The following SHISA9 variants were observed in gnomAD, a reference collection of about 807,000 sequenced individuals.
SHISA9 encodes protein shisa-9.
A neutral mutation model predicts 38.0 loss-of-function variants in SHISA9; 13 were observed. That is an observed-to-expected ratio of 0.34 (90% CI 0.22 to 0.54). The LOEUF (loss-of-function observed/expected upper bound fraction) is 0.54, where lower values mean the gene tolerates loss of function less well. Among genes scored for constraint, SHISA9 ranks in the 20% least tolerant of loss-of-function variants. The pLI is 0.91. For synonymous variants in SHISA9, 275 were observed against 242.0 expected (o/e 1.14, Z -1.27); for missense variants, 538 against 575.8 (o/e 0.93, Z 0.67).
intron 2 of SHISA9, among the ~76,000 whole-genome samples, chr16:13,161,097 G>A (rs922951344): frequency 1.3e-5 from 2 of 152,302 alleles, no homozygotes; most frequent in South Asian, 2.1e-4. Context: ...CAGTGGAGCC[G>A]TGGAAATTCT....
At chr16:13,244,561 A>T (rs75443696), downstream of SHISA9, among the ~76,000 whole-genome samples, 1,340 of 152,336 alleles carry the variant, frequency 8.8e-3, 10 homozygotes, top group Non-Finnish European at 0.01. Flanking sequence ...GTATACATAC[A>T]TACATAAAAT....
At chr16:13,514,029 C>G in the SHISA9 span, among the ~76,000 whole-genome samples, 1 of 152,134 alleles carries the variant, frequency 6.6e-6, no homozygotes. Context: ...AAGTCATGCT[C>G]TGTCACGCAG....
the SHISA9 span, among the ~76,000 whole-genome samples, chr16:13,537,072 C>A: frequency 6.6e-6 from 1 of 152,006 alleles, no homozygotes; most frequent in Non-Finnish European, 1.5e-5. Flanking sequence ...AGGTAATGAC[C>A]TAAAATCCTG....
chr16:12,985,981 A>C (rs2072302960), intron 2 of SHISA9, among the ~76,000 whole-genome samples: 2 of 151,918 alleles, frequency 1.3e-5, no homozygotes, highest in Non-Finnish European at 2.9e-5. Flanking sequence ...GCCGACTTAC[A>C]CTCCAGAGCA....
intron 2 of SHISA9, among the ~76,000 whole-genome samples, chr16:13,160,998 G>A (rs153090): frequency 0.26 from 38,796 of 152,092 alleles, 5,126 homozygotes; most frequent in East Asian, 0.42. Context: ...CCCATGGCAG[G>A]AGAAGTTAGG....
the SHISA9 span, among the ~76,000 whole-genome samples, chr16:13,456,510 G>A: frequency 5.3e-5 from 8 of 152,166 alleles, no homozygotes; most frequent in Admixed American, 4.6e-4. Context: ...ATGCCACTGC[G>A]TCATGAAGAA....
intron 2 of SHISA9, among the ~76,000 whole-genome samples, chr16:13,071,156 T>TA (rs1036480616): frequency 6.6e-6 from 1 of 152,172 alleles, no homozygotes; most frequent in African/African-American, 2.4e-5. Context: ...ACCGTGCCCT[T>TA]AAAAATCGTC....
At chr16:13,376,118 C>A in the SHISA9 span, among the ~76,000 whole-genome samples, 1 of 152,162 alleles carries the variant, frequency 6.6e-6, no homozygotes, top group Non-Finnish European at 1.5e-5. Context: ...AAATGAAATA[C>A]CACACAATGA....
intron 2 of SHISA9, among the ~76,000 whole-genome samples, chr16:12,990,717 T>C (rs1039244996): frequency 2.0e-5 from 3 of 152,304 alleles, no homozygotes; most frequent in African/African-American, 7.2e-5. Flanking sequence ...GATGCTGGTA[T>C]ACATCCCACA....
intron 2 of SHISA9, among the ~76,000 whole-genome samples, chr16:12,920,545 A>G (rs2071314805): frequency 6.6e-6 from 1 of 152,142 alleles, no homozygotes. Context: ...GAGGGGATGG[A>G]TGCCCCATTC....
At chr16:13,430,739 C>G in the SHISA9 span, among the ~76,000 whole-genome samples, 11 of 98,764 alleles carry the variant, frequency 1.1e-4, no homozygotes, top group African/African-American at 3.3e-4. Flanking sequence ...GAACCCATCT[C>G]TAAACAAAAA....
intron 2 of SHISA9, among the ~76,000 whole-genome samples, chr16:13,046,629 A>G (rs1200334551): frequency 6.6e-6 from 1 of 152,234 alleles, no homozygotes; most frequent in Non-Finnish European, 1.5e-5. Context: ...GCCTAAAGCC[A>G]TCCATGGCTC....
downstream of SHISA9, among the ~76,000 whole-genome samples, chr16:13,242,768 C>G (rs79937592): frequency 6.6e-6 from 1 of 152,144 alleles, no homozygotes; most frequent in African/African-American, 2.4e-5. Flanking sequence ...CTGATCACCA[C>G]GAAATGGGTA....
At chr16:13,337,296 A>G in the SHISA9 span, among the ~76,000 whole-genome samples, 2 of 152,138 alleles carry the variant, frequency 1.3e-5, no homozygotes, top group East Asian at 3.9e-4. Flanking sequence ...TTCTCATGGT[A>G]GTGAATAAGT....
At chr16:12,927,278 CTAAGTA>C (rs981576062) in intron 2 of SHISA9, among the ~76,000 whole-genome samples, 10 of 152,142 alleles carry the variant, frequency 6.6e-5, no homozygotes, top group African/African-American at 2.4e-4. Context: ...GTTAATGAAA[CTAAGTA>C]TAATCATAAT....
At chr16:13,064,993 CT>C (rs1401126229) in intron 2 of SHISA9, among the ~76,000 whole-genome samples, 1 of 152,036 alleles carries the variant, frequency 6.6e-6, no homozygotes, top group Non-Finnish European at 1.5e-5. Flanking sequence ...GTGTCTTTGT[CT>C]GTGACATGGG....
intron 2 of SHISA9, among the ~76,000 whole-genome samples, chr16:13,202,470 ATTTG>A (rs2051015232): frequency 7.4e-6 from 1 of 134,918 alleles, no homozygotes; most frequent in South Asian, 2.3e-4. Context: ...TTGTCTTTAC[ATTTG>A]TTTGTGTCTT....
the SHISA9 span, among the ~76,000 whole-genome samples, chr16:13,462,984 TA>T: frequency 4.0e-5 from 6 of 149,382 alleles, no homozygotes; most frequent in African/African-American, 1.5e-4. Context: ...AATAAATAAA[TA>T]AAAAATAAAA....
chr16:13,028,220 A>T (rs11859282), intron 2 of SHISA9, among the ~76,000 whole-genome samples: 1 of 152,262 alleles, frequency 6.6e-6, no homozygotes, highest in South Asian at 2.1e-4. Context: ...TTACACTTCA[A>T]TAAACGTTAT....
Sources: gnomAD v4.1 joint callset for allele counts (sites outside exome capture counted in the v4.1 genomes callset) on GRCh38, gnomAD v4.1.1 for gene constraint, MANE v1.5 for transcripts, NCBI Gene and HGNC (gene_info 2026-07-23, HGNC 2026-07-21) for gene names.